ARSB: variants seen among roughly 807,000 people sequenced by gnomAD.
ARSB encodes the protein N-acetylgalactosamine-4-sulfatase.
A neutral mutation model predicts 50.9 loss-of-function variants in ARSB; 41 were observed. That is an observed-to-expected ratio of 0.81 (90% CI 0.63 to 1.04). The LOEUF (loss-of-function observed/expected upper bound fraction) is 1.04, where lower values mean the gene tolerates loss of function less well. Among genes scored for constraint, ARSB ranks in the 50% least tolerant of loss-of-function variants. The probability of loss-of-function intolerance (pLI) is 0.00; values close to 1 mark genes in which losing one functional copy is unlikely to be tolerated. For missense variants in ARSB, 672 were observed against 693.3 expected, an observed-to-expected ratio of 0.97 and a Z score of 0.35; for synonymous variants, 269 against 284.8, an observed-to-expected ratio of 0.94 and a Z score of 0.56.
At chr5:78,976,414 G>GC (rs759962402) in intron 1 of ARSB, among the ~76,000 whole-genome samples, 86 of 147,526 alleles carry the variant, frequency 5.8e-4, no homozygotes, top group Non-Finnish European at 9.2e-4. Flanking sequence ...CTACCCCCCT[G>GC]CCCCCGGGTC....
rs1554086402 is a variant in ARSB at position 78,955,396 on chromosome 5, T to G, written c.797A>C (p.Tyr266Ser). Reference protein sequence around the residue: ...DFIQDKNRHHYAGMVSLMDEA... With the variant: ...DFIQDKNRHHSAGMVSLMDEA... ...ATCCATAAGGGACACCATTCCTGCATAGTGATGCCTGTTCTTGTCTTGGAT... is the reference window on the plus strand; with the variant it reads ...ATCCATAAGGGACACCATTCCTGCAGAGTGATGCCTGTTCTTGTCTTGGAT... Residue 266 changes from tyrosine (Y) to serine (S), a missense_variant, in exon 4 of 8, where the codon TAT becomes TCT. By Grantham distance (144) the Tyr-to-Ser change is moderately radical (BLOSUM62 -2). Transcript: ENST00000264914. The G allele has an allele frequency of 6.2e-7, 1 of 1,614,214 alleles. No homozygotes were observed. Among genetic ancestry groups the G allele is most frequent in the Non-Finnish European group, 8.5e-7 (1 of 1,180,032 alleles).
rs775488835 is a variant in ARSB at position 78,969,076 on chromosome 5, G to A, written c.429C>T (p.Val143=). 2.4e-5 allele frequency: 39 copies of A among 1,614,000 alleles called. No homozygotes were observed. The highest frequency in any genetic ancestry group is 3.1e-5 in the Non-Finnish European group (37 of 1,180,026). Residue 143 remains valine (V), a synonymous_variant, in exon 2 of 8, where the codon GTC becomes GTT. Transcript: ENST00000264914. ...GGTACATTCCCAGGTGCCATTTTCC[G>A]ACCATATGGGTAGTATAACCTGCTT... is the stretch of plus-strand genomic sequence containing the variant. The part of the protein sequence containing the change: ...LKEAGYTTHM[V]GKWHLGMYRK...
At chr5:78,872,464 C>A (rs1747253083) in intron 5 of ARSB, among the ~76,000 whole-genome samples, 1 of 132,172 alleles carries the variant, frequency 7.6e-6, no homozygotes, top group Non-Finnish European at 1.6e-5. Context: ...GGCACATATA[C>A]ACCATGGAAT....
At chr5:78,842,801 AC>A (rs1444759865) in intron 5 of ARSB, among the ~76,000 whole-genome samples, 1 of 148,858 alleles carries the variant, frequency 6.7e-6, no homozygotes, top group Non-Finnish European at 1.5e-5. Context: ...TTTAGAGAAA[AC>A]GTTTTCCATT....
At chr5:78,820,980 TA>T (rs35089219) in intron 6 of ARSB, among the ~76,000 whole-genome samples, 36 of 149,406 alleles carry the variant, frequency 2.4e-4, no homozygotes, top group East Asian at 9.9e-4. Flanking sequence ...ATTATCTATG[TA>T]AAAAAAAAAA....
chr5:78,804,783 C>T (rs911181518), intron 6 of ARSB, among the ~76,000 whole-genome samples: 1 of 152,224 alleles, frequency 6.6e-6, no homozygotes, highest in African/African-American at 2.4e-5. Context: ...AGCTCCCGGA[C>T]AGTGGCCATT....
chr5:78,985,089 C>G lies in ARSB; in HGVS notation c.160G>C (p.Asp54His). 6.5e-7 allele frequency: 1 copy of G among 1,529,562 alleles called. No homozygotes were observed. The highest frequency in any genetic ancestry group is 8.8e-7 in the Non-Finnish European group (1 of 1,137,862). 94.7% of individuals were successfully genotyped at this position (1,529,562 alleles called of 1,614,324 possible). A position where few individuals can be genotyped will look rare whatever the true frequency, so the allele number is the denominator to read the frequency against. Residue 54 changes from aspartate to histidine, a missense_variant, in exon 1 of 8, where the codon GAC becomes CAC. By Grantham distance (81) the Asp-to-His change is moderately conservative. Coordinates refer to ENST00000264914, the MANE Select transcript of ARSB (RefSeq NM_000046.5). ...AAGCCGACGTCGTTCCAGCCTAGGT[C>G]GTCTGCCAGCAAGAAGACCAGGTGG... ...PPHLVFLLAD[D>H]LGWNDVGFHG...
At position 78,941,893 on chromosome 5, in the gene ARSB, T is replaced by C. The variant is rs372870380; in HGVS notation, c.898+13402A>G. 2.7e-4 allele frequency among the ~76,000 whole-genome samples: 41 copies of C among 152,226 alleles called. No homozygotes were observed. In the East Asian group the frequency reaches 2.9e-3, roughly 11 times the overall value. On this transcript the variant is annotated intron_variant, in intron 4 of 7. Transcript: ENST00000264914. ...TCCTTGTACCTCTGGTAGAATTCGG[T>C]TGTGAATCCATCTGGTCCTGGACTC...
chr5:78,883,151 T>C (rs1226798482), intron 5 of ARSB: 3 of 152,144 alleles, frequency 2.0e-5, no homozygotes, highest in Admixed American at 2.0e-4. Flanking sequence ...CTTGGGGAAA[T>C]TAAATTTAAA....
chr5:78,983,062 A>G (rs907102972), intron 1 of ARSB, among the ~76,000 whole-genome samples: 1 of 151,918 alleles, frequency 6.6e-6, no homozygotes, highest in Non-Finnish European at 1.5e-5. Flanking sequence ...TTTTTATTTT[A>G]TTTTGTTTTG....
intron 6 of ARSB, among the ~76,000 whole-genome samples, chr5:78,814,435 G>A (rs1241119545): frequency 6.6e-6 from 1 of 150,932 alleles, no homozygotes; most frequent in Admixed American, 6.6e-5. Context: ...GAGATGTTGA[G>A]TCAGTCTTTC....
At chr5:78,817,263 C>T in intron 6 of ARSB, 1 of 265,556 alleles carries the variant, frequency 3.8e-6, no homozygotes, top group Non-Finnish European at 5.8e-6. Flanking sequence ...CCTCCCCAAA[C>T]CCACACATCC....
intron 6 of ARSB, among the ~76,000 whole-genome samples, chr5:78,783,794 A>AT (rs60636742): frequency 6.6e-6 from 1 of 152,138 alleles, no homozygotes; most frequent in Non-Finnish European, 1.5e-5. Flanking sequence ...ATTTATACAC[A>AT]TTTTTTTCTT....
intron 4 of ARSB, among the ~76,000 whole-genome samples, chr5:78,944,971 G>A (rs999936974): frequency 6.6e-6 from 1 of 152,138 alleles, no homozygotes; most frequent in Non-Finnish European, 1.5e-5. Flanking sequence ...TCAAGCCTTG[G>A]CAATGGTGGG....
chr5:78,943,844 G>A (rs1186415607), intron 4 of ARSB, among the ~76,000 whole-genome samples: 1 of 152,206 alleles, frequency 6.6e-6, no homozygotes, highest in Non-Finnish European at 1.5e-5. Context: ...GACTGGGGAA[G>A]TTCTCCTGGA....
chr5:78,939,878 A>C (rs1159289269), intron 4 of ARSB, among the ~76,000 whole-genome samples: 1 of 152,174 alleles, frequency 6.6e-6, no homozygotes, highest in Non-Finnish European at 1.5e-5. Context: ...CAATGGTTGA[A>C]CTAGTTTATA....
At chr5:78,985,560 T>TAA (rs11424557), upstream of ARSB, 222 of 194,134 alleles carry the variant, frequency 1.1e-3, no homozygotes, top group East Asian at 4.6e-3. Flanking sequence ...TGTGGTTTCC[T>TAA]AAAAAAAAAA....
intron 6 of ARSB, among the ~76,000 whole-genome samples, chr5:78,832,888 C>A (rs567084725): frequency 1.3e-5 from 2 of 152,014 alleles, no homozygotes; most frequent in African/African-American, 4.8e-5. Flanking sequence ...CCTGTGTGTG[C>A]GTACGTTTTA....
intron 4 of ARSB, among the ~76,000 whole-genome samples, chr5:78,911,254 A>G (rs1326082396): frequency 6.6e-6 from 1 of 152,086 alleles, no homozygotes; most frequent in East Asian, 1.9e-4. Flanking sequence ...ATGTTTTATA[A>G]TAATGAGTCC....
Sources: gnomAD v4.1 joint callset for allele counts (sites outside exome capture counted in the v4.1 genomes callset) on GRCh38, gnomAD v4.1.1 for gene constraint, MANE v1.5 for transcripts, NCBI Gene and HGNC (gene_info 2026-07-23, HGNC 2026-07-21) for gene names.